Variants in KLHL1 observed in about 807,000 individuals in gnomAD.
KLHL1 encodes kelch-like protein 1.
KLHL1 carries 47 observed loss-of-function variants against 77.7 expected under a neutral mutation model. That is an observed-to-expected ratio of 0.60 (90% CI 0.48 to 0.77). The LOEUF (loss-of-function observed/expected upper bound fraction) is 0.77, where lower values mean the gene tolerates loss of function less well. Ranked by LOEUF, KLHL1 falls within the 30% of genes least tolerant of loss-of-function variation. The probability of loss-of-function intolerance (pLI) is 0.00; values close to 1 mark genes in which losing one functional copy is unlikely to be tolerated. For synonymous variants in KLHL1, 360 were observed against 325.2 expected (o/e 1.11, Z -1.15); for missense variants, 925 against 910.8 (o/e 1.02, Z -0.20).
chr13:70,012,180 C>G (rs908359157), intron 1 of KLHL1, among the ~76,000 whole-genome samples: 1 of 152,060 alleles, frequency 6.6e-6, no homozygotes. Flanking sequence ...CATATCAGGT[C>G]TCTTATTAAA....
intron 5 of KLHL1, among the ~76,000 whole-genome samples, chr13:69,856,133 T>C (rs74092617): frequency 0.026 from 3,894 of 151,858 alleles, 80 homozygotes; most frequent in African/African-American, 0.056. Flanking sequence ...CTGTGCAACT[T>C]TGGAAGCTAG....
At chr13:69,774,363 C>A (rs1040769714) in intron 7 of KLHL1, among the ~76,000 whole-genome samples, 8 of 151,904 alleles carry the variant, frequency 5.3e-5, no homozygotes, top group African/African-American at 1.9e-4. Context: ...ACTTGTTAAA[C>A]TTTAATATAT....
chr13:69,720,187 A>C (rs1209687470), intron 8 of KLHL1, among the ~76,000 whole-genome samples: 2 of 152,158 alleles, frequency 1.3e-5, no homozygotes, highest in Admixed American at 6.6e-5. Flanking sequence ...AGTTTACTTG[A>C]TACACTCATC....
intron 4 of KLHL1, among the ~76,000 whole-genome samples, chr13:69,888,067 C>A (rs1881284586): frequency 6.6e-6 from 1 of 152,098 alleles, no homozygotes; most frequent in Non-Finnish European, 1.5e-5. Context: ...GAAAGTCCAA[C>A]ATCAAGGCAC....
rs1450717417 is a variant in KLHL1 at position 69,779,381 on chromosome 13, TCCTCC to T, written c.1639+17352_1639+17356del. Among the ~76,000 whole-genome samples the T allele has an allele frequency of 3.7e-5, 5 of 134,638 alleles. No homozygotes were observed. In the Admixed American group the frequency reaches 4.1e-4, roughly 11 times the overall value. 88.3% of individuals were successfully genotyped at this position (134,638 alleles called of 152,430 possible). Reference sequence around the variant, plus strand: ...TTCCTTTCCTTCCTCCCCTCCCCTCTCCTCCCCTGTCCTCCCCTCTTCCCTCCTTT... The same window carrying T: ...TTCCTTTCCTTCCTCCCCTCCCCTCTCCTGTCCTCCCCTCTTCCCTCCTTT... On this transcript the variant is annotated intron_variant, in intron 7 of 10. Transcript: ENST00000377844.
intron 1 of KLHL1, among the ~76,000 whole-genome samples, chr13:70,037,069 G>A (rs955825479): frequency 6.6e-6 from 1 of 151,576 alleles, no homozygotes; most frequent in Non-Finnish European, 1.5e-5. Flanking sequence ...TAACCTTAGG[G>A]TATTTTCACT....
chr13:70,073,717 C>T (rs1399287799), intron 1 of KLHL1, among the ~76,000 whole-genome samples: 5 of 151,918 alleles, frequency 3.3e-5, no homozygotes, highest in South Asian at 2.1e-4. Flanking sequence ...CTAGAGGCTG[C>T]GGTGAGCCAT....
Position 69,704,482 on chromosome 13 carries a change from C to A in KLHL1, c.2188-2721G>T, listed in dbSNP as rs1008798168. 5.9e-5 allele frequency among the ~76,000 whole-genome samples: 9 copies of A among 151,600 alleles called. No homozygotes were observed. In the East Asian group the frequency reaches 1.7e-3, roughly 29 times the overall value. On this transcript the variant is annotated intron_variant, in intron 10 of 10. Transcript: ENST00000377844. ...CACGTGTTCTTCCTCTGGCTCTTACCAATGATGTTCCTTAAGCCAAAGCAC... is the reference window on the plus strand; with the variant it reads ...CACGTGTTCTTCCTCTGGCTCTTACAAATGATGTTCCTTAAGCCAAAGCAC...
intron 1 of KLHL1, among the ~76,000 whole-genome samples, chr13:70,024,037 T>C (rs2439606): frequency 6.6e-6 from 1 of 151,668 alleles, no homozygotes; most frequent in Admixed American, 6.6e-5. Context: ...TTTAATTAGT[T>C]GCAAAAAAAA....
chr13:70,045,167 A>T (rs190709765), intron 1 of KLHL1, among the ~76,000 whole-genome samples: 1 of 152,208 alleles, frequency 6.6e-6, no homozygotes, highest in Non-Finnish European at 1.5e-5. Flanking sequence ...CTGAAAAGTT[A>T]TATGGTTTTT....
chr13:70,002,292 G>T (rs1885312125), intron 1 of KLHL1, among the ~76,000 whole-genome samples: 1 of 151,516 alleles, frequency 6.6e-6, no homozygotes, highest in African/African-American at 2.4e-5. Flanking sequence ...GGTCTTTAAA[G>T]AATGATTAAT....
chr13:69,880,615 C>T (rs532256611), intron 5 of KLHL1, among the ~76,000 whole-genome samples: 3 of 151,992 alleles, frequency 2.0e-5, no homozygotes, highest in Admixed American at 6.6e-5. Context: ...GCCTTAGGAA[C>T]AAAAAAGCCA....
chr13:69,872,902 C>T (rs1442358186), intron 5 of KLHL1, among the ~76,000 whole-genome samples: 2 of 152,058 alleles, frequency 1.3e-5, no homozygotes, highest in Admixed American at 1.3e-4. Flanking sequence ...TTTCATTAGG[C>T]CCCACCTCCA....
chr13:69,733,115 T>C (rs1025009547), intron 8 of KLHL1, among the ~76,000 whole-genome samples: 1 of 152,118 alleles, frequency 6.6e-6, no homozygotes, highest in African/African-American at 2.4e-5. Flanking sequence ...TTGTTTAGAA[T>C]AACTGATAAA....
intron 1 of KLHL1, among the ~76,000 whole-genome samples, chr13:70,090,119 T>C (rs939921674): frequency 1.3e-5 from 2 of 152,092 alleles, no homozygotes; most frequent in African/African-American, 2.4e-5. Context: ...ACTTACTGAA[T>C]GCATTCTTGA....
chr13:69,963,275 T>C (rs759372368), intron 2 of KLHL1, among the ~76,000 whole-genome samples: 3 of 152,172 alleles, frequency 2.0e-5, no homozygotes, highest in Non-Finnish European at 4.4e-5. Flanking sequence ...TACATTTGGG[T>C]TTAATTGTAC....
intron 4 of KLHL1, among the ~76,000 whole-genome samples, chr13:69,925,782 T>A (rs1243738768): frequency 1.3e-5 from 2 of 152,208 alleles, no homozygotes; most frequent in Non-Finnish European, 2.9e-5. Flanking sequence ...CTCCTTAAAC[T>A]TATATTACCA....
Position 70,000,369 on chromosome 13 carries a change from T to C in KLHL1, c.498-24567A>G, listed in dbSNP as rs562525092. 9.9e-5 allele frequency among the ~76,000 whole-genome samples: 15 copies of C among 151,966 alleles called. 1 individual carries two copies. The highest frequency in any genetic ancestry group is 3.6e-4 in the African/African-American group (15 of 41,486). Reference sequence around the variant, plus strand: ...TGTTTTTAAATTCATAACCTCCAAATAGCTAGAAGTATAAAAACATTAAGA... The same window carrying C: ...TGTTTTTAAATTCATAACCTCCAAACAGCTAGAAGTATAAAAACATTAAGA... On this transcript the variant is annotated intron_variant, in intron 1 of 10. Coordinates refer to ENST00000377844, the MANE Select transcript of KLHL1 (RefSeq NM_020866.3).
chr13:70,016,496 G>C (rs1885661414), intron 1 of KLHL1, among the ~76,000 whole-genome samples: 1 of 152,200 alleles, frequency 6.6e-6, no homozygotes, highest in Non-Finnish European at 1.5e-5. Context: ...CTATGATTTT[G>C]GAGCAAAGTT....
Sources: allele counts gnomAD v4.1 joint callset (sites outside exome capture counted in the v4.1 genomes callset), GRCh38; gene constraint gnomAD v4.1.1; transcripts MANE v1.5; gene names NCBI Gene and HGNC (gene_info 2026-07-23, HGNC 2026-07-21).